Variants in PDE3A observed in about 807,000 individuals in gnomAD.
The protein encoded by PDE3A is phosphodiesterase 3A, also known as cGMP-inhibited 3',5'-cyclic phosphodiesterase 3A.
A neutral mutation model predicts 98.3 loss-of-function variants in PDE3A; 43 were observed. The observed-to-expected ratio is 0.44, with a 90% CI of 0.34 to 0.56. PDE3A has a LOEUF of 0.56. Among genes scored for constraint, PDE3A ranks in the 20% least tolerant of loss-of-function variants. PDE3A has a pLI of 0.01. For synonymous variants in PDE3A, 663 were observed against 567.9 expected (o/e 1.17, Z -2.38); for missense variants, 1,427 against 1,440.7 (o/e 0.99, Z 0.15).
At chr12:20,588,575 T>A (rs892730204) in intron 2 of PDE3A, among the ~76,000 whole-genome samples, 1 of 152,158 alleles carries the variant, frequency 6.6e-6, no homozygotes, top group Non-Finnish European at 1.5e-5. Context: ...AAATGCAGAT[T>A]CCGTGAATTG....
chr12:20,669,091 C>G (rs368975179), intron 15 of PDE3A, among the ~76,000 whole-genome samples: 5,926 of 150,304 alleles, frequency 0.039, 202 homozygotes, highest in African/African-American at 0.087. Flanking sequence ...CTGGAAGAAA[C>G]GGTATCAGCG....
intron 2 of PDE3A, among the ~76,000 whole-genome samples, chr12:20,599,228 A>T (rs1943533875): frequency 6.6e-6 from 1 of 150,458 alleles, no homozygotes; most frequent in Admixed American, 6.6e-5. Flanking sequence ...CCCCCCACTT[A>T]CTCTCTCTAG....
intron 15 of PDE3A, among the ~76,000 whole-genome samples, chr12:20,660,179 TTCTC>T (rs1945131898): frequency 6.6e-6 from 1 of 152,240 alleles, no homozygotes; most frequent in African/African-American, 2.4e-5. Context: ...TCCTTGGCAC[TTCTC>T]TCTTTGTATG....
At chr12:20,491,806 C>A (rs893753395) in intron 1 of PDE3A, among the ~76,000 whole-genome samples, 1 of 152,048 alleles carries the variant, frequency 6.6e-6, no homozygotes, top group Admixed American at 6.6e-5. Flanking sequence ...GTTACTCTAC[C>A]GGTATAATCG....
Position 20,370,177 on chromosome 12 carries a change from C to T in PDE3A, c.893C>T (p.Ala298Val), listed in dbSNP as rs1292584197. The change falls in exon 1 of 16, where the codon GCC becomes GTC. Residue 298 changes from alanine (A) to valine (V), a missense_variant. By Grantham distance (64) the Ala-to-Val change is moderately conservative (BLOSUM62 0). This residue lies in a region of PDE3A where 1,012 missense variants were observed against 886.5 expected (regional missense o/e 1.14). Transcript: ENST00000359062. Reference protein sequence around the residue: ...RRRRSSSVVSAEMSGCSSKSH... With the variant: ...RRRRSSSVVSVEMSGCSSKSH... The stretch of plus-strand genomic sequence containing the variant: ...AGGCGGTCCAGCTCCGTCGTGTCCG[C>T]CGAGATGTCCGGCTGCAGCAGCAAG... 1 of 1,611,662 alleles carries T rather than the reference C, an allele frequency of 6.2e-7. No individual in the cohort carries two copies. The highest frequency in any genetic ancestry group is 8.5e-7 in the Non-Finnish European group (1 of 1,179,104).
intron 15 of PDE3A, among the ~76,000 whole-genome samples, chr12:20,656,903 A>C (rs1945056477): frequency 6.6e-6 from 1 of 152,200 alleles, no homozygotes; most frequent in Admixed American, 6.5e-5. Context: ...AAATGCTACA[A>C]CCACATATTC....
At chr12:20,613,342 A>G (rs1943915485) in intron 2 of PDE3A, 101 bp from the exon 3 acceptor site, 1 of 1,071,658 alleles carries the variant, frequency 9.3e-7, no homozygotes, top group Non-Finnish European at 1.4e-6. Flanking sequence ...ATCCTAAAGA[A>G]TCAGCCCAAT....
chr12:20,380,699 C>T (rs1045818086), intron 1 of PDE3A, among the ~76,000 whole-genome samples: 2 of 151,698 alleles, frequency 1.3e-5, no homozygotes, highest in South Asian at 4.2e-4. Context: ...GTCAAGTGTT[C>T]TCACAGGCAG....
intron 10 of PDE3A, among the ~76,000 whole-genome samples, chr12:20,640,858 CATAATAT>C (rs139641651): frequency 0.04 from 6,009 of 152,064 alleles, 153 homozygotes; most frequent in Non-Finnish European, 0.06. Flanking sequence ...AATAATCAAA[CATAATAT>C]ATTGATCGGA....
Position 20,670,958 on chromosome 12 carries a change from T to C in PDE3A, c.3185-9072T>C, listed in dbSNP as rs956410665. On this transcript the variant is annotated intron_variant, in intron 15 of 15. Transcript: ENST00000359062. ...AAAATTGATAGACCACTAGCAAGAC[T>C]AATAAAGAAAAAAAGAGAGAAGAAT... Among the ~76,000 whole-genome samples the C allele has an allele frequency of 2.4e-4, 30 of 124,736 alleles. No individual in the cohort carries two copies. In the South Asian group the frequency reaches 7.2e-3, roughly 30 times the overall value. 81.8% of individuals were successfully genotyped at this position (124,736 alleles called of 152,430 possible). A position where few individuals can be genotyped will look rare whatever the true frequency, so the allele number is the denominator to read the frequency against.
chr12:20,393,864 C>T (rs1256198723), intron 1 of PDE3A, among the ~76,000 whole-genome samples: 1 of 151,962 alleles, frequency 6.6e-6, no homozygotes, highest in Non-Finnish European at 1.5e-5. Context: ...CAAACACTAA[C>T]CTGCCTTCGA....
rs548619719 is a variant in PDE3A at position 20,474,613 on chromosome 12, C to A, written c.961-82047C>A. ...TCTCAGGAGACTCCAGGGGAAAATTCTTTTCCTTTCCTTTTCCACCTTCTA... is the reference window on the plus strand; with the variant it reads ...TCTCAGGAGACTCCAGGGGAAAATTATTTTCCTTTCCTTTTCCACCTTCTA... On this transcript the variant is annotated intron_variant, in intron 1 of 15. Transcript: ENST00000359062. 5.3e-5 allele frequency among the ~76,000 whole-genome samples: 8 copies of A among 152,256 alleles called. No homozygotes were observed. The East Asian group carries it at 1.4e-3, about 26-fold the overall frequency.
chr12:20,682,818 A>G lies in PDE3A; in HGVS notation c.*2547A>G, dbSNP rs1945828571. ...CCATTTTCCAAATGCGTCCATCTCT[A>G]ACATAAATATTAATTGAACATAGAG... On this transcript the variant is annotated 3_prime_UTR_variant, in exon 16 of 16. Transcript: ENST00000359062. 6.6e-6 allele frequency: 1 copy of G among 152,184 alleles called. No individual in the cohort carries two copies. The highest frequency in any genetic ancestry group is 1.5e-5 in the Non-Finnish European group (1 of 68,032). 9.4% of individuals were successfully genotyped at this position (152,184 alleles called of 1,614,324 possible).
intron 15 of PDE3A, among the ~76,000 whole-genome samples, chr12:20,667,678 G>A (rs1215340287): frequency 6.6e-6 from 1 of 152,098 alleles, no homozygotes; most frequent in Admixed American, 6.6e-5. Context: ...TACCCTTGAA[G>A]CATATTTTGA....
At chr12:20,670,757 A>G (rs1414338116) in intron 15 of PDE3A, among the ~76,000 whole-genome samples, 1 of 140,386 alleles carries the variant, frequency 7.1e-6, no homozygotes, top group Non-Finnish European at 1.5e-5. Context: ...GAAAGATCCA[A>G]AATTGACACC....
rs1280343864 is a variant in PDE3A at position 20,577,831 on chromosome 12, G to A, written c.1011+21121G>A. 3.9e-5 allele frequency among the ~76,000 whole-genome samples: 6 copies of A among 152,288 alleles called. No individual in the cohort carries two copies. In the East Asian group the frequency reaches 1.2e-3, roughly 29 times the overall value. On this transcript the variant is annotated intron_variant, in intron 2 of 15. Transcript: ENST00000359062. ...TTACCAAACACGGGACGGGCCAGGG[G>A]AGAAGCATTTGTTTTCTTGTATAAT...
At chr12:20,373,847 A>G (rs1943524813) in intron 1 of PDE3A, among the ~76,000 whole-genome samples, 1 of 152,132 alleles carries the variant, frequency 6.6e-6, no homozygotes, top group African/African-American at 2.4e-5. Context: ...CAAAGCAAAA[A>G]TAGGAGAAAT....
chr12:20,499,422 G>T (rs1945981458), intron 1 of PDE3A, among the ~76,000 whole-genome samples: 4 of 152,068 alleles, frequency 2.6e-5, no homozygotes, highest in African/African-American at 4.8e-5. Context: ...TGTGCCCGAG[G>T]TTGTTCCTTG....
At chr12:20,593,961 A>C (rs947170190) in intron 2 of PDE3A, among the ~76,000 whole-genome samples, 1 of 152,140 alleles carries the variant, frequency 6.6e-6, no homozygotes, top group Non-Finnish European at 1.5e-5. Context: ...CTAGGCCAGA[A>C]GAAGAGGAGA....
Sources: allele counts gnomAD v4.1 joint callset (sites outside exome capture counted in the v4.1 genomes callset), GRCh38; gene constraint gnomAD v4.1.1; regional missense constraint gnomAD v4.1.1; transcripts MANE v1.5; gene names NCBI Gene and HGNC (gene_info 2026-07-23, HGNC 2026-07-21).